NRL: variants seen among roughly 807,000 people sequenced by gnomAD.
The protein encoded by NRL is neural retina leucine zipper.
Under a neutral mutation model 12.5 loss-of-function variants are expected in NRL, and 16 were observed. The ratio of observed to expected loss-of-function variants is 1.28; its 90% CI spans 0.87 to 1.95. The LOEUF is 1.95. Ranked by LOEUF, NRL falls within the 30% of genes most tolerant of loss-of-function variation. The probability of loss-of-function intolerance (pLI) is 0.00; values close to 1 mark genes in which losing one functional copy is unlikely to be tolerated. For missense variants in NRL, 314 were observed against 325.8 expected, an observed-to-expected ratio of 0.96 and a Z score of 0.28; for synonymous variants, 142 against 150.9, an observed-to-expected ratio of 0.94 and a Z score of 0.43.
chr14:24,079,595 G>T lies in NRL; in HGVS notation c.*1641C>A, dbSNP rs545277285. ...AGGGATGAGCTGGGATAGAGGAGGG[G>T]AAAGAGGGAGCAAGAACTGTGATGG... is the stretch of plus-strand genomic sequence containing the variant. On this transcript the variant is annotated 3_prime_UTR_variant, in exon 3 of 3. Coordinates refer to ENST00000561028, the MANE Select transcript of NRL (RefSeq NM_001354768.3). 6.6e-6 allele frequency among the ~76,000 whole-genome samples: 1 copy of T among 151,922 alleles called. No individual in the cohort carries two copies. The highest frequency in any genetic ancestry group is 1.5e-5 in the Non-Finnish European group (1 of 67,976).
chr14:24,103,254 A>C lies in NRL; in HGVS notation c.-28+11468T>G, dbSNP rs2037238188. 4 of 1,610,678 alleles carry C rather than the reference A, an allele frequency of 2.5e-6. No individual in the cohort carries two copies. The East Asian group carries it at 8.9e-5, about 36-fold the overall frequency. On this transcript the variant is annotated intron_variant, in intron 1 of 2. Transcript: ENST00000561028. ...AGTCCACTGCTGCAGCAGAACACAA[A>C]GGTGAGCACCCTCACCATTCCTCCC...
At chr14:24,099,727 G>A (rs1354698198) in intron 1 of NRL, 3 of 1,610,554 alleles carry the variant, frequency 1.9e-6, no homozygotes, top group South Asian at 2.2e-5. Flanking sequence ...GAAGGTGAGG[G>A]ACTCTCAGAT....
chr14:24,105,815 C>A lies in NRL; in HGVS notation c.-28+8907G>T, dbSNP rs543518461. Among the ~76,000 whole-genome samples the A allele has an allele frequency of 1.4e-3, 215 of 152,244 alleles. 1 individual carries two copies. Among genetic ancestry groups the A allele is most frequent in the African/African-American group, 4.9e-3 (205 of 41,558 alleles). ...TGCCTGTAATCCCAGCTATTTAGGACAATCACTTGAACTCAGGAGGCAGAG... is the reference window on the plus strand; with the variant it reads ...TGCCTGTAATCCCAGCTATTTAGGAAAATCACTTGAACTCAGGAGGCAGAG... On this transcript the variant is annotated intron_variant, in intron 1 of 2. Coordinates refer to ENST00000561028, the MANE Select transcript of NRL (RefSeq NM_001354768.3).
intron 1 of NRL, among the ~76,000 whole-genome samples, chr14:24,105,305 C>T (rs998941543): frequency 1.3e-5 from 2 of 152,250 alleles, no homozygotes; most frequent in Non-Finnish European, 2.9e-5. Context: ...GGTGAACCCA[C>T]AACCTTCCAG....
At chr14:24,103,723 G>C (rs111723834) in intron 1 of NRL, 1 of 1,614,174 alleles carries the variant, frequency 6.2e-7, no homozygotes, top group African/African-American at 1.3e-5. Context: ...ATCTGCCGGC[G>C]GTTAGAGGGG....
intron 1 of NRL, among the ~76,000 whole-genome samples, chr14:24,088,628 AAC>A (rs781717119): frequency 3.3e-5 from 5 of 152,128 alleles, no homozygotes; most frequent in African/African-American, 4.8e-5. Flanking sequence ...TATTTTGTGT[AAC>A]AGTTTGTTAG....
In NRL at chr14:24,094,318, G is replaced by T. The variant is rs949071358; in HGVS notation, c.-27-11443C>A. On this transcript the variant is annotated intron_variant, in intron 1 of 2. Coordinates refer to ENST00000561028, the MANE Select transcript of NRL (RefSeq NM_001354768.3). The surrounding 1 kb of genome is among the most constrained non-coding windows in gnomAD (Gnocchi z 4.1). The stretch of plus-strand genomic sequence containing the variant: ...CTCCCGCCAGCCTCTGCTGTGGCTC[G>T]CTTCGCCGCGCTCCCTCCTTCCCCG... The T allele has an allele frequency of 7.5e-7, 1 of 1,339,518 alleles. No homozygotes were observed. The highest frequency in any genetic ancestry group is 1.0e-6 in the Non-Finnish European group (1 of 974,672). 83.0% of individuals were successfully genotyped at this position (1,339,518 alleles called of 1,614,324 possible).
At chr14:24,099,034 C>T in intron 1 of NRL, 1 of 1,588,340 alleles carries the variant, frequency 6.3e-7, no homozygotes, top group Non-Finnish European at 8.6e-7. Flanking sequence ...AGCCCCATGA[C>T]CCCATTGTCC....
At chr14:24,082,917 T>G in intron 1 of NRL, 42 bp from the exon 2 acceptor site, 6 of 1,540,108 alleles carry the variant, frequency 3.9e-6, no homozygotes, top group Non-Finnish European at 5.2e-6. Context: ...GGAGGCCACC[T>G]GCCATCCCCT....
chr14:24,082,939 C>T, intron 1 of NRL, 64 bp from the exon 2 acceptor site: 1 of 1,478,752 alleles, frequency 6.8e-7, no homozygotes, highest in Non-Finnish European at 9.1e-7. Context: ...TTCACCAAGT[C>T]CCTCTTCCCT....
intron 1 of NRL, chr14:24,084,399 T>C (rs759034352): frequency 8.3e-6 from 2 of 241,216 alleles, no homozygotes; most frequent in Non-Finnish European, 1.3e-5. Context: ...CCAGTCAGGG[T>C]GGGAGTGGAG....
At chr14:24,112,468 C>CAAAAG (rs2037435681) in intron 1 of NRL, among the ~76,000 whole-genome samples, 1 of 135,934 alleles carries the variant, frequency 7.4e-6, no homozygotes, top group Non-Finnish European at 1.6e-5. Context: ...AAAATTTTCG[C>CAAAAG]AACCTACTCA....
intron 1 of NRL, among the ~76,000 whole-genome samples, chr14:24,106,013 T>C (rs1452898266): frequency 2.6e-5 from 4 of 152,250 alleles, no homozygotes; most frequent in Non-Finnish European, 5.9e-5. Context: ...TCAGCAAGTC[T>C]GTAGTAGCCT....
chr14:24,101,662 T>A (rs1457203585), intron 1 of NRL, among the ~76,000 whole-genome samples: 1 of 152,168 alleles, frequency 6.6e-6, no homozygotes, highest in Non-Finnish European at 1.5e-5. Context: ...GTGACTCACA[T>A]CTGTAATCCC....
intron 1 of NRL, chr14:24,098,567 G>C: frequency 6.2e-7 from 1 of 1,614,184 alleles, no homozygotes; most frequent in South Asian, 1.1e-5. Context: ...AGCCTATGTG[G>C]TGGCAAGCAT....
intron 1 of NRL, chr14:24,110,472 T>G (rs1263021283): frequency 1.2e-5 from 2 of 169,114 alleles, no homozygotes; most frequent in Non-Finnish European, 2.7e-5. Context: ...CCAGAAGAAA[T>G]GATTATCTTT....
intron 1 of NRL, among the ~76,000 whole-genome samples, chr14:24,100,910 A>G (rs1041276524): frequency 2.0e-5 from 3 of 152,204 alleles, no homozygotes; most frequent in African/African-American, 7.2e-5. Flanking sequence ...CCTCTCCCTC[A>G]GCCCTGCACT....
chr14:24,100,523 T>TA (rs1306568320), intron 1 of NRL: 1 of 929,246 alleles, frequency 1.1e-6, no homozygotes, highest in African/African-American at 1.7e-5. Context: ...AAAAAGGGTT[T>TA]ATCACACTGA....
At chr14:24,083,600 T>C (rs2036386613) in intron 1 of NRL, among the ~76,000 whole-genome samples, 1 of 152,212 alleles carries the variant, frequency 6.6e-6, no homozygotes, top group African/African-American at 2.4e-5. Context: ...ACTTGTTACG[T>C]TGTGTGAACT....
Sources: gnomAD v4.1 joint callset for allele counts (sites outside exome capture counted in the v4.1 genomes callset) on GRCh38, gnomAD v4.1.1 for gene constraint, Gnocchi (gnomAD v3.1) non-coding constraint, MANE v1.5 for transcripts, NCBI Gene and HGNC (gene_info 2026-07-23, HGNC 2026-07-21) for gene names.